Variants in CHCHD6 observed in about 807,000 individuals in gnomAD.
CHCHD6 encodes the protein coiled-coil-helix-coiled-coil-helix domain containing 6, also known as MICOS complex subunit MIC25.
In CHCHD6, 28 loss-of-function variants were observed where a neutral mutation model predicts 32.3. The observed-to-expected ratio is 0.87, with a 90% CI of 0.64 to 1.19. The LOEUF (loss-of-function observed/expected upper bound fraction) is 1.19. Among genes scored for constraint, CHCHD6 ranks in the 50% most tolerant of loss-of-function variants. The pLI is 0.00. For synonymous variants in CHCHD6, 122 were observed against 117.5 expected (o/e 1.04, Z -0.25); for missense variants, 333 against 307.0 (o/e 1.08, Z -0.63).
intron 4 of CHCHD6, among the ~76,000 whole-genome samples, chr3:126,816,436 A>C (rs1939901883): frequency 1.3e-5 from 2 of 152,202 alleles, no homozygotes; most frequent in South Asian, 4.2e-4. Context: ...CATTTTGCTA[A>C]GAGCAGAGGC....
At chr3:126,726,369 C>T (rs1417358797) in intron 1 of CHCHD6, among the ~76,000 whole-genome samples, 5 of 152,140 alleles carry the variant, frequency 3.3e-5, no homozygotes, top group African/African-American at 1.2e-4. Context: ...TGTCCCAAAA[C>T]AATTACAAGA....
chr3:126,793,698 C>T (rs1442663251), intron 4 of CHCHD6, among the ~76,000 whole-genome samples: 1 of 152,168 alleles, frequency 6.6e-6, no homozygotes, highest in South Asian at 2.1e-4. Context: ...TTTGTTCATT[C>T]ATTTGTCCCT....
chr3:126,942,060 T>A (rs1457045198), intron 6 of CHCHD6, among the ~76,000 whole-genome samples: 1 of 152,200 alleles, frequency 6.6e-6, no homozygotes, highest in East Asian at 1.9e-4. Flanking sequence ...GGCTTTCATC[T>A]GTAGGGAGAG....
intron 5 of CHCHD6, among the ~76,000 whole-genome samples, chr3:126,864,677 TCTC>T (rs1289972666): frequency 1.4e-4 from 15 of 109,278 alleles, no homozygotes; most frequent in Admixed American, 5.3e-4. Flanking sequence ...TCCACCATCA[TCTC>T]CTCCTCCTCC....
intron 4 of CHCHD6, among the ~76,000 whole-genome samples, chr3:126,783,939 T>G (rs1938074642): frequency 6.6e-6 from 1 of 152,110 alleles, no homozygotes; most frequent in African/African-American, 2.4e-5. Context: ...AATTCAATAC[T>G]TTTGGGGGAG....
intron 6 of CHCHD6, among the ~76,000 whole-genome samples, chr3:126,944,415 G>T (rs1258335268): frequency 6.6e-6 from 1 of 152,232 alleles, no homozygotes; most frequent in Non-Finnish European, 1.5e-5. Flanking sequence ...TAGAATATCT[G>T]CTTCCTGCAT....
chr3:126,862,042 T>A (rs932828021), intron 5 of CHCHD6, among the ~76,000 whole-genome samples: 6 of 9,916 alleles, frequency 6.1e-4, no homozygotes, highest in Non-Finnish European at 7.4e-4. Context: ...CTCCCCCTCC[T>A]CCACCATCAC....
intron 4 of CHCHD6, among the ~76,000 whole-genome samples, chr3:126,758,080 C>G (rs111634003): frequency 6.6e-6 from 1 of 152,184 alleles, no homozygotes; most frequent in African/African-American, 2.4e-5. Flanking sequence ...CTCTGTGGCC[C>G]GATGATAACC....
chr3:126,730,998 C>G (rs1187874503), intron 3 of CHCHD6, among the ~76,000 whole-genome samples: 1 of 147,490 alleles, frequency 6.8e-6, no homozygotes, highest in Admixed American at 7.0e-5. Flanking sequence ...GTCCCAGTTA[C>G]TCGGGAGGCT....
chr3:126,732,687 G>T lies in CHCHD6; in HGVS notation c.267-391G>T, dbSNP rs60619524. Among the ~76,000 whole-genome samples the T allele has an allele frequency of 2.5e-3, 380 of 152,332 alleles. 1 individual carries two copies. The highest frequency in any genetic ancestry group is 8.8e-3 in the African/African-American group (364 of 41,574). On this transcript the variant is annotated intron_variant, in intron 3 of 7. Coordinates refer to ENST00000290913, the MANE Select transcript of CHCHD6 (RefSeq NM_032343.3). ...AGGTCAAAGGGTAGGAAGATATTCA[G>T]AATGAAGAGTTAAATGTTCAAAACA... is the stretch of plus-strand genomic sequence containing the variant.
chr3:126,779,770 G>A lies in CHCHD6; in HGVS notation c.411+46548G>A, dbSNP rs961587425. ...AGTAAAAATATTTAGTTTTTGCCAA[G>A]CATATATAGTTGATTTCATAATAGA... On this transcript the variant is annotated intron_variant, in intron 4 of 7. Coordinates refer to ENST00000290913, the MANE Select transcript of CHCHD6 (RefSeq NM_032343.3). Among the ~76,000 whole-genome samples the A allele has an allele frequency of 6.6e-5, 10 of 152,270 alleles. No individual in the cohort carries two copies. The East Asian group carries it at 1.9e-3, about 29-fold the overall frequency.
chr3:126,730,538 CCTTT>C lies in CHCHD6; in HGVS notation c.197-19_197-16del, dbSNP rs771008614. 5.0e-6 allele frequency: 8 copies of C among 1,609,730 alleles called. No individual in the cohort carries two copies. The African/African-American group carries it at 9.4e-5, about 19-fold the overall frequency. On this transcript the variant is annotated intron_variant, in intron 2 of 7. Coordinates refer to ENST00000290913, the MANE Select transcript of CHCHD6 (RefSeq NM_032343.3). ...GGACCCTGGGGTGCCACTGACAGGC[CCTTT>C]CTTCTCTTTCCTTTGCAGAATCCAC...
At chr3:126,904,560 G>A (rs1346401188) in intron 5 of CHCHD6, among the ~76,000 whole-genome samples, 2 of 152,134 alleles carry the variant, frequency 1.3e-5, no homozygotes, top group South Asian at 2.1e-4. Flanking sequence ...GTGTGTGTGT[G>A]TATGTATACA....
At chr3:126,705,752 A>T (rs1470500171) in intron 1 of CHCHD6, among the ~76,000 whole-genome samples, 1 of 152,190 alleles carries the variant, frequency 6.6e-6, no homozygotes, top group African/African-American at 2.4e-5. Context: ...GACAGACTTC[A>T]GGAGTTCTGG....
chr3:126,906,313 TC>T (rs147099177), intron 5 of CHCHD6, among the ~76,000 whole-genome samples: 3,852 of 152,304 alleles, frequency 0.025, 61 homozygotes, highest in Middle Eastern at 0.061. Flanking sequence ...GATGGCCACT[TC>T]CACTCTTTCT....
At chr3:126,879,087 A>G (rs979886521) in intron 5 of CHCHD6, among the ~76,000 whole-genome samples, 1 of 152,200 alleles carries the variant, frequency 6.6e-6, no homozygotes, top group African/African-American at 2.4e-5. Context: ...AGGCTTCCAC[A>G]TTATGTGGTG....
chr3:126,740,624 G>T (rs1299709483), intron 4 of CHCHD6, among the ~76,000 whole-genome samples: 1 of 152,128 alleles, frequency 6.6e-6, no homozygotes, highest in Non-Finnish European at 1.5e-5. Flanking sequence ...CACACACTGG[G>T]TAGAAAGGGC....
At position 126,830,221 on chromosome 3, in the gene CHCHD6, G is replaced by A. The variant is rs180847231; in HGVS notation, c.412-22426G>A. On this transcript the variant is annotated intron_variant, in intron 4 of 7. Coordinates refer to ENST00000290913, the MANE Select transcript of CHCHD6 (RefSeq NM_032343.3). Reference sequence around the variant, plus strand: ...GGTGTGGGAGGAGTTCTTCTGCCATGTGGAAAGTGGACACTTCACTGTTCA... The same window carrying A: ...GGTGTGGGAGGAGTTCTTCTGCCATATGGAAAGTGGACACTTCACTGTTCA... 2.0e-5 allele frequency among the ~76,000 whole-genome samples: 3 copies of A among 152,334 alleles called. No individual in the cohort carries two copies. In the East Asian group the frequency reaches 5.8e-4, roughly 29 times the overall value.
At chr3:126,710,314 T>G (rs1319654989) in intron 1 of CHCHD6, among the ~76,000 whole-genome samples, 1 of 152,368 alleles carries the variant, frequency 6.6e-6, no homozygotes, top group South Asian at 2.1e-4. Flanking sequence ...TCTGTCCTTA[T>G]GCCAGTACCA....
Sources: allele counts gnomAD v4.1 joint callset (sites outside exome capture counted in the v4.1 genomes callset), GRCh38; gene constraint gnomAD v4.1.1; transcripts MANE v1.5; gene names NCBI Gene and HGNC (gene_info 2026-07-23, HGNC 2026-07-21).